GTF3C6: variants seen among roughly 807,000 people sequenced by gnomAD.
GTF3C6 encodes the protein general transcription factor IIIC subunit 6.
A neutral mutation model predicts 19.2 loss-of-function variants in GTF3C6; 11 were observed. That is an observed-to-expected ratio of 0.57 (90% CI 0.36 to 0.95). The LOEUF (loss-of-function observed/expected upper bound fraction) is 0.95, where lower values mean the gene tolerates loss of function less well. Among genes scored for constraint, GTF3C6 ranks in the 40% least tolerant of loss-of-function variants. GTF3C6 has a pLI of 0.01. For synonymous variants in GTF3C6, 87 were observed against 84.2 expected (o/e 1.03, Z -0.18); for missense variants, 222 against 254.7 (o/e 0.87, Z 0.87).
intron 2 of GTF3C6, 72 bp from the exon 3 acceptor site, chr6:110,960,341 TG>T: frequency 7.5e-7 from 1 of 1,328,240 alleles, no homozygotes; most frequent in Non-Finnish European, 1.0e-6. Flanking sequence ...TTAGTTTCCT[TG>T]GTAGCAAGGT....
chr6:110,964,682 C>G (rs9400432), intron 5 of GTF3C6, among the ~76,000 whole-genome samples: 37,384 of 151,480 alleles, frequency 0.25, 5,319 homozygotes, highest in East Asian at 0.65. Context: ...TACTCCATCC[C>G]CCAGGCTGGA....
chr6:110,961,797 A>T (rs996617724), intron 4 of GTF3C6, among the ~76,000 whole-genome samples: 1 of 152,176 alleles, frequency 6.6e-6, no homozygotes, highest in Non-Finnish European at 1.5e-5. Context: ...CATTTCAAGG[A>T]TGAAGCCTGT....
chr6:110,963,010 G>T (rs9374230), intron 5 of GTF3C6, among the ~76,000 whole-genome samples: 1 of 151,842 alleles, frequency 6.6e-6, no homozygotes, highest in Non-Finnish European at 1.5e-5. Flanking sequence ...ATCTCTTGAC[G>T]TCATGATCCG....
chr6:110,966,342 T>G (rs560947567), intron 5 of GTF3C6, among the ~76,000 whole-genome samples: 1 of 152,002 alleles, frequency 6.6e-6, no homozygotes, highest in Non-Finnish European at 1.5e-5. Context: ...CCAGGTATGG[T>G]GGCATGCACC....
Position 110,967,783 on chromosome 6 carries a change from T to C in GTF3C6, c.635T>C (p.Leu212Pro). 1 of 1,600,868 alleles carries C rather than the reference T, an allele frequency of 6.2e-7. No individual in the cohort carries two copies. Among genetic ancestry groups the C allele is most frequent in the Non-Finnish European group, 8.5e-7 (1 of 1,174,820 alleles). Residue 212 changes from leucine (L) to proline (P), a missense_variant, in exon 6 of 6, where the codon CTG becomes CCG. Physicochemically the swap from Leu to Pro is moderately conservative, Grantham distance 98. Coordinates refer to ENST00000329970, the MANE Select transcript of GTF3C6 (RefSeq NM_138408.4). ...EGSVFMETQM[L>P]P ...TCTGTTTTTATGGAAACTCAAATGC[T>C]GCCTTAGAAATCACTCCTAGATGAA...
chr6:110,963,246 G>A (rs1350715692), intron 5 of GTF3C6, among the ~76,000 whole-genome samples: 1 of 152,008 alleles, frequency 6.6e-6, no homozygotes, highest in Non-Finnish European at 1.5e-5. Context: ...TTAAAATTGA[G>A]GGTACTCCAT....
chr6:110,966,291 T>A (rs1771228570), intron 5 of GTF3C6, among the ~76,000 whole-genome samples: 1 of 152,024 alleles, frequency 6.6e-6, no homozygotes, highest in South Asian at 2.1e-4. Flanking sequence ...CTGGCCAATA[T>A]GGTGAGACCC....
intron 5 of GTF3C6, among the ~76,000 whole-genome samples, chr6:110,966,651 G>A (rs9400434): frequency 2.6e-5 from 4 of 151,888 alleles, no homozygotes; most frequent in Non-Finnish European, 4.4e-5. Flanking sequence ...AAGTGTGACC[G>A]TTACCTTCTA....
At chr6:110,959,303 A>G (rs1771127715) in intron 2 of GTF3C6, 51 bp downstream of exon 2, 1 of 1,107,728 alleles carries the variant, frequency 9.0e-7, no homozygotes, top group Admixed American at 1.9e-5. Flanking sequence ...TAAATGTAAA[A>G]CAAGAATCAA....
At chr6:110,964,951 G>A (rs934145800) in intron 5 of GTF3C6, among the ~76,000 whole-genome samples, 16 of 151,404 alleles carry the variant, frequency 1.1e-4, no homozygotes, top group Admixed American at 2.0e-4. Flanking sequence ...TCCTGCCTCA[G>A]CCTCCTGAGT....
intron 4 of GTF3C6, 33 bp downstream of exon 4, chr6:110,960,649 C>T (rs368212115): frequency 3.2e-5 from 48 of 1,510,140 alleles, no homozygotes; most frequent in East Asian, 4.5e-5. Context: ...CTTTTTAATA[C>T]GAACTATTTC....
At chr6:110,965,158 A>G (rs536273309) in intron 5 of GTF3C6, among the ~76,000 whole-genome samples, 4 of 134,672 alleles carry the variant, frequency 3.0e-5, no homozygotes, top group African/African-American at 5.7e-5. Flanking sequence ...TTTTTTTTAA[A>G]TAGAGACAGG....
At chr6:110,958,871 G>A (rs750869516) in intron 1 of GTF3C6, 45 bp downstream of exon 1, 3 of 1,535,448 alleles carry the variant, frequency 2.0e-6, no homozygotes, top group Non-Finnish European at 2.6e-6. Flanking sequence ...TGGCGGTGAT[G>A]CCTGTGCTGG....
rs768818000 is a variant in GTF3C6, at chr6:110,962,524, T to G, written c.361+19T>G. 9.4e-6 allele frequency: 12 copies of G among 1,278,034 alleles called. No individual in the cohort carries two copies. Among genetic ancestry groups the G allele is most frequent in the Non-Finnish European group, 1.4e-5 (12 of 876,604 alleles). The allele number at this position is 1,278,034 out of a possible 1,614,324, so 79.2% of individuals were successfully genotyped here. ...AACATAGGTTAGTTCCATTATTCTC[T>G]GAAAACAGGTGATCCAGTACTGGCT... is the stretch of plus-strand genomic sequence containing the variant. On this transcript the variant is annotated intron_variant, in intron 5 of 5. Coordinates refer to ENST00000329970, the MANE Select transcript of GTF3C6 (RefSeq NM_138408.4).
chr6:110,967,731 A>G lies in GTF3C6; in HGVS notation c.583A>G (p.Ile195Val). 6.2e-7 allele frequency: 1 copy of G among 1,613,916 alleles called. No individual in the cohort carries two copies. Among genetic ancestry groups the G allele is most frequent in the Non-Finnish European group, 8.5e-7 (1 of 1,179,896 alleles). ...HLEIEDSGPL[I>V]DIPSETEGSV... is the part of the protein sequence containing the mutation. ...GGAAATAGAAGATTCTGGTCCTCTT[A>G]TTGATATACCTTCTGAGACAGAAGG... is the stretch of plus-strand genomic sequence containing the variant. Residue 195 changes from isoleucine to valine, a missense_variant, in exon 6 of 6, where the codon ATT becomes GTT. Coordinates refer to ENST00000329970, the MANE Select transcript of GTF3C6 (RefSeq NM_138408.4).
rs765217662 is a variant in GTF3C6, at chr6:110,967,836, C to G, written c.*46C>G. ...GTTTCTCATAATAACTTGTCAAGAA[C>G]TTTTTAGAGTTGTTACATAAAAATA... On this transcript the variant is annotated 3_prime_UTR_variant, in exon 6 of 6. Transcript: ENST00000329970. 18 of 1,496,880 alleles carry G rather than the reference C, an allele frequency of 1.2e-5. No individual in the cohort carries two copies. In the African/African-American group the frequency reaches 2.5e-4, roughly 21 times the overall value. 92.7% of individuals were successfully genotyped at this position (1,496,880 alleles called of 1,614,324 possible). A position where few individuals can be genotyped will look rare whatever the true frequency, so the allele number is the denominator to read the frequency against.
At chr6:110,967,206 G>T (rs1225390462) in intron 5 of GTF3C6, among the ~76,000 whole-genome samples, 1 of 152,012 alleles carries the variant, frequency 6.6e-6, no homozygotes, top group Non-Finnish European at 1.5e-5. Context: ...GCATGAGATG[G>T]CAGAGAGTGC....
Position 110,959,651 on chromosome 6 carries a change from C to A in GTF3C6, c.138+399C>A, listed in dbSNP as rs111448222. 6.5e-3 allele frequency among the ~76,000 whole-genome samples: 981 copies of A among 151,922 alleles called. 12 individuals carry two copies. Among genetic ancestry groups the A allele is most frequent in the African/African-American group, 0.023 (936 of 41,482 alleles). ...CCATCCTAGGCAACATAACGAGACCCCTTCTCTAAAATAATAATAAAAAAA... is the reference window on the plus strand; with the variant it reads ...CCATCCTAGGCAACATAACGAGACCACTTCTCTAAAATAATAATAAAAAAA... On this transcript the variant is annotated intron_variant, in intron 2 of 5. Coordinates refer to ENST00000329970, the MANE Select transcript of GTF3C6 (RefSeq NM_138408.4).
intron 5 of GTF3C6, among the ~76,000 whole-genome samples, chr6:110,963,581 A>G (rs1771191192): frequency 1.3e-5 from 2 of 152,194 alleles, no homozygotes; most frequent in African/African-American, 2.4e-5. Context: ...GTGGGGGGAA[A>G]AAACTTCCTT....
Sources: gnomAD v4.1 joint callset for allele counts (sites outside exome capture counted in the v4.1 genomes callset) on GRCh38, gnomAD v4.1.1 for gene constraint, MANE v1.5 for transcripts, NCBI Gene and HGNC (gene_info 2026-07-23, HGNC 2026-07-21) for gene names.